Variants in CRB1 observed in about 807,000 individuals in gnomAD.
CRB1 encodes protein crumbs homolog 1.
In CRB1, 83 loss-of-function variants were observed where a neutral mutation model predicts 120.0. The ratio of observed to expected loss-of-function variants is 0.69; its 90% CI spans 0.58 to 0.83. The LOEUF (loss-of-function observed/expected upper bound fraction) is 0.83. CRB1 is among the 40% of genes least tolerant of loss of function. The probability of loss-of-function intolerance (pLI) is 0.00; values close to 1 mark genes in which losing one functional copy is unlikely to be tolerated. For missense variants in CRB1, 1,699 were observed against 1,687.6 expected (o/e 1.01, Z -0.12); for synonymous variants, 625 against 612.5 (o/e 1.02, Z -0.30).
chr1:197,409,702 A>G (rs1324622043), intron 5 of CRB1, among the ~76,000 whole-genome samples: 1 of 152,200 alleles, frequency 6.6e-6, no homozygotes, highest in Non-Finnish European at 1.5e-5. Context: ...ATGCTTCATC[A>G]TTCATTAGAA....
chr1:197,277,485 A>G (rs1655279150), intron 1 of CRB1, among the ~76,000 whole-genome samples: 2 of 152,028 alleles, frequency 1.3e-5, no homozygotes, highest in Admixed American at 6.6e-5. Flanking sequence ...ATGTCTAGTC[A>G]GATGGTCTCA....
chr1:197,436,172 A>G (rs1014093082), intron 9 of CRB1, among the ~76,000 whole-genome samples: 7 of 152,154 alleles, frequency 4.6e-5, no homozygotes, highest in African/African-American at 1.7e-4. Context: ...ACAAACCTTA[A>G]CAATAACATA....
chr1:197,420,836 G>C (rs966845211), intron 5 of CRB1, among the ~76,000 whole-genome samples, 164 bp from the exon 6 acceptor site: 2 of 152,178 alleles, frequency 1.3e-5, no homozygotes, highest in Non-Finnish European at 2.9e-5. Flanking sequence ...GTGGAATATA[G>C]AATTGATTTT....
intron 6 of CRB1, among the ~76,000 whole-genome samples, chr1:197,424,596 C>G (rs1009154910): frequency 1.3e-5 from 2 of 152,108 alleles, no homozygotes; most frequent in African/African-American, 4.8e-5. Flanking sequence ...GCCATAACCT[C>G]CCTTATTCTA....
chr1:197,280,789 C>T (rs1673721077), intron 1 of CRB1, among the ~76,000 whole-genome samples: 1 of 151,782 alleles, frequency 6.6e-6, no homozygotes, highest in African/African-American at 2.4e-5. Flanking sequence ...GTTAATTGTT[C>T]ATGGCTGGTA....
Position 197,435,085 on chromosome 1 carries a change from G to A in CRB1, c.3222G>A (p.Leu1074=). ...STIATGSLNF[L]KDNTDIYVGD... is the part of the protein sequence containing the mutation. Reference sequence around the variant, plus strand: ...TTGCTACTGGAAGCCTCAACTTTTTGAAGGATAATACAGATATTTATGTGG... The same window carrying A: ...TTGCTACTGGAAGCCTCAACTTTTTAAAGGATAATACAGATATTTATGTGG... Residue 1074 remains leucine (L), a synonymous_variant, in exon 9 of 12, where the codon TTG becomes TTA. Transcript: ENST00000367400. 6.2e-7 allele frequency: 1 copy of A among 1,613,916 alleles called. No individual in the cohort carries two copies. The highest frequency in any genetic ancestry group is 1.7e-5 in the Admixed American group (1 of 59,966).
chr1:197,478,291 T>C lies in CRB1; in HGVS notation c.*412T>C, dbSNP rs564341986. The C allele has an allele frequency of 5.9e-4, 155 of 262,410 alleles. No homozygotes were observed. The highest frequency in any genetic ancestry group is 8.3e-4 in the Non-Finnish European group (111 of 134,308). 16.3% of individuals were successfully genotyped at this position (262,410 alleles called of 1,614,324 possible). A position where few individuals can be genotyped will look rare whatever the true frequency, so the allele number is the denominator to read the frequency against. ...TTTACATGGAAACTACAGGAAAAAATTGGCTACATTTCTCACTTCTCCTAT... is the reference window on the plus strand; with the variant it reads ...TTTACATGGAAACTACAGGAAAAAACTGGCTACATTTCTCACTTCTCCTAT... On this transcript the variant is annotated 3_prime_UTR_variant, in exon 12 of 12. Transcript: ENST00000367400.
intron 5 of CRB1, among the ~76,000 whole-genome samples, chr1:197,373,996 A>C (rs2125387550): frequency 6.6e-6 from 1 of 152,330 alleles, no homozygotes; most frequent in South Asian, 2.1e-4. Context: ...CCAATTTTCT[A>C]GAAGTGAGCA....
chr1:197,343,194 A>C (rs990496790), intron 2 of CRB1, among the ~76,000 whole-genome samples: 1 of 152,154 alleles, frequency 6.6e-6, no homozygotes, highest in African/African-American at 2.4e-5. Flanking sequence ...GGCACAAATC[A>C]ATTGAACTAC....
intron 4 of CRB1, among the ~76,000 whole-genome samples, chr1:197,354,959 CA>C (rs1461884501): frequency 1.4e-5 from 2 of 148,008 alleles, no homozygotes; most frequent in Non-Finnish European, 3.0e-5. Context: ...CTGATTGGTG[CA>C]TTTTCAAACC....
In CRB1 at chr1:197,419,977, T is replaced by C. The variant is rs1247853498; in HGVS notation, c.1172-1023T>C. On this transcript the variant is annotated intron_variant, in intron 5 of 11. Coordinates refer to ENST00000367400, the MANE Select transcript of CRB1 (RefSeq NM_201253.3). ...GCCTGGGCGACAGAGCGAGACACGATCTCAAAAACGAAAAAAAAAAAACAA... is the reference window on the plus strand; with the variant it reads ...GCCTGGGCGACAGAGCGAGACACGACCTCAAAAACGAAAAAAAAAAAACAA... 6.4e-5 allele frequency among the ~76,000 whole-genome samples: 8 copies of C among 125,540 alleles called. No homozygotes were observed. The Admixed American group carries it at 7.7e-4, about 12-fold the overall frequency. The allele number at this position is 125,540 out of a possible 152,430, so 82.4% of individuals were successfully genotyped here.
rs541903368 is a variant in CRB1 at position 197,419,770 on chromosome 1, C to G, written c.1172-1230C>G. ...CGGGTGGATCACGAGGTCAGGAGAT[C>G]GAGACCATCCTGGCTAATATGGTGA... is the stretch of plus-strand genomic sequence containing the variant. On this transcript the variant is annotated intron_variant, in intron 5 of 11. Coordinates refer to ENST00000367400, the MANE Select transcript of CRB1 (RefSeq NM_201253.3). Among the ~76,000 whole-genome samples, 8 of 144,210 alleles carry G rather than the reference C, an allele frequency of 5.5e-5. No homozygotes were observed. The South Asian group carries it at 6.5e-4, about 12-fold the overall frequency. 94.6% of individuals were successfully genotyped at this position (144,210 alleles called of 152,430 possible).
intron 11 of CRB1, among the ~76,000 whole-genome samples, chr1:197,450,469 A>G (rs1665904504): frequency 6.6e-6 from 1 of 152,154 alleles, no homozygotes; most frequent in Admixed American, 6.5e-5. Context: ...TGGCATATGA[A>G]TGATCCTGTC....
Position 197,328,873 on chromosome 1 carries a change from T to A in CRB1, c.522T>A (p.Cys174Ter), listed in dbSNP as rs1658688864. 1 of 1,614,208 alleles carries A rather than the reference T, an allele frequency of 6.2e-7. No homozygotes were observed. Among genetic ancestry groups the A allele is most frequent in the Non-Finnish European group, 8.5e-7 (1 of 1,180,030 alleles). Residue 174 changes from cysteine (C) to a stop codon, truncating the protein, a stop_gained, in exon 2 of 12, where the codon TGT (cysteine) becomes TGA (stop). Coordinates refer to ENST00000367400, the MANE Select transcript of CRB1 (RefSeq NM_201253.3). LOFTEE classifies it high-confidence loss of function. ...GAATTGATGGTTACTCCTGCTTCTG[T>A]GTCCCAGGATATCAAGGCAGACACT... ...QDGIDGYSCF[C>*]VPGYQGRHCD...
intron 5 of CRB1, among the ~76,000 whole-genome samples, chr1:197,399,543 C>T (rs752922891): frequency 5.1e-4 from 78 of 152,162 alleles, no homozygotes; most frequent in Non-Finnish European, 9.7e-4. Flanking sequence ...ATGCTACTTT[C>T]CTCATCAAGT....
At chr1:197,261,280 C>T in the CRB1 span, among the ~76,000 whole-genome samples, 1 of 152,192 alleles carries the variant, frequency 6.6e-6, no homozygotes, top group Admixed American at 6.5e-5. Context: ...TAGAGAAACT[C>T]TTGTGCATTT....
At chr1:197,450,693 C>A (rs533036290) in intron 11 of CRB1, among the ~76,000 whole-genome samples, 2 of 148,530 alleles carry the variant, frequency 1.3e-5, no homozygotes, top group African/African-American at 5.0e-5. Context: ...GTAATCCCAG[C>A]ACTTTGGGAG....
chr1:197,351,883 C>G (rs993525613), intron 4 of CRB1, among the ~76,000 whole-genome samples: 9 of 152,124 alleles, frequency 5.9e-5, no homozygotes, highest in African/African-American at 2.2e-4. Flanking sequence ...CCCTTGTAAC[C>G]TATCTTGCTG....
intron 11 of CRB1, among the ~76,000 whole-genome samples, chr1:197,465,286 A>C (rs1051591238): frequency 6.6e-6 from 1 of 152,188 alleles, no homozygotes; most frequent in Non-Finnish European, 1.5e-5. Context: ...TAAATGCTTT[A>C]GATTCCTCAA....
Sources: allele counts gnomAD v4.1 joint callset (sites outside exome capture counted in the v4.1 genomes callset), GRCh38; gene constraint gnomAD v4.1.1; transcripts MANE v1.5; gene names NCBI Gene and HGNC (gene_info 2026-07-23, HGNC 2026-07-21).